The following SAMSN1 variants were observed in gnomAD, a reference collection of about 807,000 sequenced individuals.
The protein encoded by SAMSN1 is SAM domain, SH3 domain and nuclear localization signals 1, also known as SAM domain-containing protein SAMSN-1.
In SAMSN1, 31 loss-of-function variants were observed where a neutral mutation model predicts 42.0. The observed-to-expected ratio is 0.74, with a 90% CI of 0.55 to 1.00. The LOEUF is 1.00. SAMSN1 is among the 50% of genes least tolerant of loss of function. The pLI, the probability that SAMSN1 is intolerant of heterozygous loss-of-function variation, is 0.00. For synonymous variants in SAMSN1, 178 were observed against 151.9 expected, an observed-to-expected ratio of 1.17 and a Z score of -1.26; for missense variants, 464 against 439.4, an observed-to-expected ratio of 1.06 and a Z score of -0.50.
Position 14,516,925 on chromosome 21 carries a change from A to G in SAMSN1, c.246T>C (p.Gly82=). The change falls in exon 3 of 8, where the codon GGT becomes GGC. Residue 82 remains glycine (G), a synonymous_variant. Transcript: ENST00000400566. The part of the protein sequence containing the change: ...AISWTMKKKV[G]KKYIKALSEE... ...CAGAAAGGGCTTTGATGTACTTTTT[A>G]CCCACTTTTTTCTTCATTGTCCATG... The G allele has an allele frequency of 1.2e-6, 2 of 1,611,754 alleles. No homozygotes were observed. Among genetic ancestry groups the G allele is most frequent in the South Asian group, 1.1e-5 (1 of 90,450 alleles).
intron 4 of SAMSN1, among the ~76,000 whole-genome samples, chr21:14,511,211 C>T (rs957760445): frequency 7.2e-5 from 11 of 152,154 alleles, no homozygotes; most frequent in Non-Finnish European, 2.9e-5. Context: ...GGTATAGCTC[C>T]TTCAAGATGC....
chr21:14,612,986 A>C (rs1247897236), intron 3 of SAMSN1: 1 of 641,794 alleles, frequency 1.6e-6, no homozygotes, highest in African/African-American at 1.8e-5. Flanking sequence ...AGAAATTAGA[A>C]TATGTGCAAC....
At chr21:14,500,293 C>T (rs1987091066) in intron 6 of SAMSN1, among the ~76,000 whole-genome samples, 2 of 152,100 alleles carry the variant, frequency 1.3e-5, no homozygotes, top group South Asian at 4.1e-4. Flanking sequence ...TTCTCAACAT[C>T]AATCTCTATT....
intron 1 of SAMSN1, among the ~76,000 whole-genome samples, chr21:14,528,234 T>A (rs930686797): frequency 2.0e-5 from 3 of 152,156 alleles, no homozygotes; most frequent in Non-Finnish European, 4.4e-5. Context: ...AAAATTATGT[T>A]ATTGTGCACT....
chr21:14,529,962 TAACC>T (rs1221820005), intron 1 of SAMSN1, among the ~76,000 whole-genome samples: 1 of 152,174 alleles, frequency 6.6e-6, no homozygotes, highest in Non-Finnish European at 1.5e-5. Context: ...TGAATTCACT[TAACC>T]ATTTTCAAAA....
rs1211992647 is a variant in SAMSN1, at chr21:14,485,946, A to G, written c.1088T>C (p.Val363Ala). Residue 363 changes from valine to alanine, a missense_variant, in exon 8 of 8, where the codon GTA becomes GCA. Coordinates refer to ENST00000400566, the MANE Select transcript of SAMSN1 (RefSeq NM_022136.5). The part of the protein sequence containing the change: ...DLESENLSDM[V>A]HKIIITEPSD ...TGGCTCTGTGATAATAATCTTATGT[A>G]CCATGTCAGACAGATTTTCAGACTC... is the stretch of plus-strand genomic sequence containing the variant. The G allele has an allele frequency of 6.2e-7, 1 of 1,613,570 alleles. No individual in the cohort carries two copies. The highest frequency in any genetic ancestry group is 1.3e-5 in the African/African-American group (1 of 74,884).
upstream of SAMSN1, among the ~76,000 whole-genome samples, chr21:14,586,040 G>A (rs543128481): frequency 8.6e-5 from 13 of 151,938 alleles, no homozygotes; most frequent in African/African-American, 2.2e-4. Flanking sequence ...TGAGGTGGGC[G>A]GATCATGAGG....
At chr21:14,623,418 G>C (rs935317995) in intron 2 of SAMSN1, among the ~76,000 whole-genome samples, 4 of 152,160 alleles carry the variant, frequency 2.6e-5, no homozygotes, top group Non-Finnish European at 4.4e-5. Context: ...TCAAAATAAA[G>C]GGATGGAAGA....
At position 14,556,712 on chromosome 21, in the gene SAMSN1, C is replaced by A. The variant is rs569323742; in HGVS notation, c.261+25424G>T. 2.6e-5 allele frequency among the ~76,000 whole-genome samples: 4 copies of A among 152,294 alleles called. No individual in the cohort carries two copies. The East Asian group carries it at 7.7e-4, about 29-fold the overall frequency. On this transcript the variant is annotated intron_variant, in intron 2 of 8. Transcript: ENST00000285670. Reference sequence around the variant, plus strand: ...GCATGCTGCCTCGGAAGCCTACCTGCATTCTAACTGAAAGCATCTGCATGT... The same window carrying A: ...GCATGCTGCCTCGGAAGCCTACCTGAATTCTAACTGAAAGCATCTGCATGT...
chr21:14,553,208 T>C (rs372062717), intron 2 of SAMSN1, among the ~76,000 whole-genome samples: 2 of 152,142 alleles, frequency 1.3e-5, no homozygotes, highest in Admixed American at 6.6e-5. Flanking sequence ...AAATCATTAG[T>C]CACTATTAAC....
upstream of SAMSN1, among the ~76,000 whole-genome samples, chr21:14,584,449 T>C (rs1380858544): frequency 2.0e-5 from 3 of 152,232 alleles, no homozygotes; most frequent in South Asian, 6.2e-4. Flanking sequence ...ATGACTCTTG[T>C]TTTCTTTAAA....
At chr21:14,517,083 T>C (rs1987954071) in intron 2 of SAMSN1, 42 bp from the exon 3 acceptor site, 1 of 1,533,066 alleles carries the variant, frequency 6.5e-7, no homozygotes, top group African/African-American at 1.4e-5. Flanking sequence ...AATAAAGCAA[T>C]AAAAAACATT....
Position 14,546,301 on chromosome 21 carries a change from G to A in SAMSN1, c.-40C>T, listed in dbSNP as rs545011422. ...ACTCCTAGTGAGTGCACTTTCTGCT[G>A]TTACAGAAACAACTGAAAACAGTCA... On this transcript the variant is annotated 5_prime_UTR_variant, in exon 1 of 8. Coordinates refer to ENST00000400566, the MANE Select transcript of SAMSN1 (RefSeq NM_022136.5). 11 of 1,611,110 alleles carry A rather than the reference G, an allele frequency of 6.8e-6. No individual in the cohort carries two copies. Among genetic ancestry groups the A allele is most frequent in the Admixed American group, 3.4e-5 (2 of 59,596 alleles).
upstream of SAMSN1, among the ~76,000 whole-genome samples, chr21:14,584,092 A>T (rs1352666029): frequency 6.6e-6 from 1 of 152,184 alleles, no homozygotes; most frequent in African/African-American, 2.4e-5. Context: ...ACAGCGGAAA[A>T]AAACAAGATC....
chr21:14,559,146 T>C (rs146830915), intron 2 of SAMSN1, among the ~76,000 whole-genome samples: 3,383 of 152,318 alleles, frequency 0.022, 58 homozygotes, highest in Non-Finnish European at 0.032. Flanking sequence ...ACACTTCTCC[T>C]TTGAAAAAGA....
At chr21:14,530,473 C>T (rs182848379) in intron 1 of SAMSN1, among the ~76,000 whole-genome samples, 3 of 152,050 alleles carry the variant, frequency 2.0e-5, no homozygotes, top group Non-Finnish European at 4.4e-5. Flanking sequence ...ATAATTCTCT[C>T]CCAAACTTTC....
At chr21:14,566,310 C>T (rs183609840) in intron 2 of SAMSN1, among the ~76,000 whole-genome samples, 20 of 152,168 alleles carry the variant, frequency 1.3e-4, no homozygotes, top group Non-Finnish European at 1.9e-4. Flanking sequence ...TTTCAAAAAG[C>T]CTTTTAACAT....
chr21:14,506,660 A>G (rs1161022204), intron 5 of SAMSN1, among the ~76,000 whole-genome samples: 1 of 152,164 alleles, frequency 6.6e-6, no homozygotes, highest in African/African-American at 2.4e-5. Flanking sequence ...CCCACAAGAT[A>G]GAGAAAGAAG....
chr21:14,509,522 T>C (rs1413908336), intron 5 of SAMSN1, among the ~76,000 whole-genome samples: 1 of 152,112 alleles, frequency 6.6e-6, no homozygotes, highest in Non-Finnish European at 1.5e-5. Context: ...ACACCCCTGT[T>C]CCCCAATAAC....
Sources: allele counts gnomAD v4.1 joint callset (sites outside exome capture counted in the v4.1 genomes callset), GRCh38; gene constraint gnomAD v4.1.1; transcripts MANE v1.5; gene names NCBI Gene and HGNC (gene_info 2026-07-23, HGNC 2026-07-21).